Variants in NHEJ1 observed in about 807,000 individuals in gnomAD.
NHEJ1 encodes non-homologous end-joining factor 1.
In NHEJ1, 22 loss-of-function variants were observed where a neutral mutation model predicts 39.4. The observed-to-expected ratio is 0.56, with a 90% CI of 0.40 to 0.80. The LOEUF (loss-of-function observed/expected upper bound fraction) is 0.80. NHEJ1 is among the 30% of genes least tolerant of loss of function. NHEJ1 has a pLI of 0.00. For missense variants in NHEJ1, 329 were observed against 357.1 expected (o/e 0.92, Z 0.63); for synonymous variants, 154 against 135.6 (o/e 1.14, Z -0.94).
chr2:219,077,512 T>C, intron 6 of NHEJ1, 148 bp from the exon 7 acceptor site: 2 of 712,500 alleles, frequency 2.8e-6, no homozygotes, highest in Non-Finnish European at 5.0e-6. Context: ...AACTTCCAGC[T>C]GACTTTCAGA....
chr2:219,156,704 A>G (rs1020534746), intron 3 of NHEJ1, among the ~76,000 whole-genome samples: 8 of 152,238 alleles, frequency 5.3e-5, no homozygotes, highest in Non-Finnish European at 1.0e-4. Flanking sequence ...AAACAAGGAT[A>G]ACAGTACTTA....
At chr2:219,131,812 T>A (rs1949581539) in intron 5 of NHEJ1, among the ~76,000 whole-genome samples, 1 of 152,242 alleles carries the variant, frequency 6.6e-6, no homozygotes, top group Non-Finnish European at 1.5e-5. Flanking sequence ...GGCAGAGCGC[T>A]CTAGCTTTGA....
At chr2:219,119,664 G>C (rs1222440573) in intron 5 of NHEJ1, among the ~76,000 whole-genome samples, 1 of 152,126 alleles carries the variant, frequency 6.6e-6, no homozygotes, top group Non-Finnish European at 1.5e-5. Context: ...GAGTAGAACA[G>C]ATCTTTGAAT....
At chr2:219,140,936 C>T (rs1050511067) in intron 5 of NHEJ1, among the ~76,000 whole-genome samples, 1 of 152,074 alleles carries the variant, frequency 6.6e-6, no homozygotes, top group African/African-American at 2.4e-5. Context: ...TGTAGGAAAC[C>T]GGGAGCCACT....
At chr2:219,090,346 G>A (rs958444369) in intron 5 of NHEJ1, among the ~76,000 whole-genome samples, 1 of 152,170 alleles carries the variant, frequency 6.6e-6, no homozygotes, top group Non-Finnish European at 1.5e-5. Flanking sequence ...TGATATTACT[G>A]CCTGCACTAT....
chr2:219,152,825 T>TTTATTTATTTATTTATTTA (rs1949810633), intron 3 of NHEJ1, among the ~76,000 whole-genome samples: 1 of 108,616 alleles, frequency 9.2e-6, no homozygotes, highest in Admixed American at 1.1e-4. Flanking sequence ...TTATTTATTT[T>TTTATTTATTTATTTATTTA]GAGAGAGTCT....
Position 219,080,691 on chromosome 2 carries a change from T to TTA in NHEJ1, c.589-2487_589-2486dup, listed in dbSNP as rs10584277. Among the ~76,000 whole-genome samples the TTA allele has an allele frequency of 6.9e-3, 450 of 65,472 alleles. 5 individuals are homozygous for TTA. Among genetic ancestry groups the TTA allele is most frequent in the African/African-American group, 0.014 (408 of 29,822 alleles). The allele number at this position is 65,472 out of a possible 152,430, so 43.0% of individuals were successfully genotyped here. Reference sequence around the variant, plus strand: ...CTTTTATATATGCTAATATATATGCTTATATATATATATGCTAATATATAT... The same window carrying TTA: ...CTTTTATATATGCTAATATATATGCTTATATATATATATATGCTAATATATAT... On this transcript the variant is annotated intron_variant, in intron 5 of 7. Coordinates refer to ENST00000356853, the MANE Select transcript of NHEJ1 (RefSeq NM_024782.3).
intron 7 of NHEJ1, among the ~76,000 whole-genome samples, chr2:219,077,015 A>T (rs1949020049): frequency 6.6e-6 from 1 of 152,236 alleles, no homozygotes; most frequent in Non-Finnish European, 1.5e-5. Flanking sequence ...ATAAGGTGAA[A>T]GAGGAGTCAA....
chr2:219,152,483 A>G (rs1347322523), intron 3 of NHEJ1, among the ~76,000 whole-genome samples: 3 of 152,146 alleles, frequency 2.0e-5, no homozygotes, highest in African/African-American at 4.8e-5. Context: ...AAGATGAATC[A>G]TATCAGGAGA....
rs916541029 is a variant in NHEJ1, at chr2:219,137,163, A to T, written c.588+9517T>A. On this transcript the variant is annotated intron_variant, in intron 5 of 7. Coordinates refer to ENST00000356853, the MANE Select transcript of NHEJ1 (RefSeq NM_024782.3). ...AGAGAAGGTGAAATTCAGAAAAAAC[A>T]AAATATAGTTGAGAAACATGCACAG... is the stretch of plus-strand genomic sequence containing the variant. 5.3e-5 allele frequency among the ~76,000 whole-genome samples: 8 copies of T among 152,042 alleles called. No homozygotes were observed. In the East Asian group the frequency reaches 1.5e-3, roughly 29 times the overall value.
Position 219,070,682 on chromosome 2 carries a change from CTT to C in NHEJ1, c.*5697_*5698del, listed in dbSNP as rs911530719. On this transcript the variant is annotated 3_prime_UTR_variant, in exon 8 of 8. Transcript: ENST00000356853. ...AATCCAGACACTCAATCTTTTCTTT[CTT>C]TTTTTTTTTTAATTCAAAATACCAT... 6.8e-6 allele frequency among the ~76,000 whole-genome samples: 1 copy of C among 146,042 alleles called. No homozygotes were observed. The highest frequency in any genetic ancestry group is 2.5e-5 in the African/African-American group (1 of 39,928).
At chr2:219,109,373 A>C (rs1949342257) in intron 5 of NHEJ1, among the ~76,000 whole-genome samples, 1 of 152,238 alleles carries the variant, frequency 6.6e-6, no homozygotes, top group Non-Finnish European at 1.5e-5. Flanking sequence ...AAAAGTTTCC[A>C]AATTAAAAAA....
Position 219,076,090 on chromosome 2 carries a change from C to T in NHEJ1, c.*291G>A. 1.8e-6 allele frequency: 1 copy of T among 568,204 alleles called. No individual in the cohort carries two copies. Among genetic ancestry groups the T allele is most frequent in the Non-Finnish European group, 3.1e-6 (1 of 326,846 alleles). The allele number at this position is 568,204 out of a possible 1,614,324, so 35.2% of individuals were successfully genotyped here. Reference sequence around the variant, plus strand: ...GACAAGGCTTCCTGAGTGTGTGGTGCTTTCTTGCTGACTTGCCCTATATAC... The same window carrying T: ...GACAAGGCTTCCTGAGTGTGTGGTGTTTTCTTGCTGACTTGCCCTATATAC... On this transcript the variant is annotated 3_prime_UTR_variant, in exon 8 of 8. Transcript: ENST00000356853.
At chr2:219,103,449 T>G (rs2106334808) in intron 5 of NHEJ1, among the ~76,000 whole-genome samples, 1 of 152,002 alleles carries the variant, frequency 6.6e-6, no homozygotes, top group East Asian at 2.0e-4. Context: ...CTAATTTTTG[T>G]ATTTTTAGTA....
intron 5 of NHEJ1, among the ~76,000 whole-genome samples, chr2:219,118,654 A>C (rs984310831): frequency 6.6e-6 from 1 of 152,140 alleles, no homozygotes; most frequent in African/African-American, 2.4e-5. Flanking sequence ...CTGTGCAGAG[A>C]AGGACAGGGA....
At chr2:219,100,652 T>C (rs2106332918) in intron 5 of NHEJ1, among the ~76,000 whole-genome samples, 1 of 142,526 alleles carries the variant, frequency 7.0e-6, no homozygotes, top group East Asian at 2.0e-4. Context: ...TGACTAAGAA[T>C]ACAGAGAATC....
At chr2:219,087,004 C>G (rs1949117719) in intron 5 of NHEJ1, among the ~76,000 whole-genome samples, 1 of 151,950 alleles carries the variant, frequency 6.6e-6, no homozygotes, top group South Asian at 2.1e-4. Flanking sequence ...TCGGGGAACG[C>G]AAGTGGTTTC....
At chr2:219,123,029 G>A (rs1350933952) in intron 5 of NHEJ1, among the ~76,000 whole-genome samples, 1 of 152,188 alleles carries the variant, frequency 6.6e-6, no homozygotes, top group African/African-American at 2.4e-5. Context: ...GGGGGGCTCT[G>A]TTAGTAGCTA....
intron 7 of NHEJ1, 132 bp downstream of exon 7, chr2:219,077,114 G>T: frequency 1.4e-6 from 1 of 734,068 alleles, no homozygotes; most frequent in Non-Finnish European, 2.5e-6. Context: ...CCTACAATTT[G>T]GAGCCTGGTC....
Sources: gnomAD v4.1 joint callset for allele counts (sites outside exome capture counted in the v4.1 genomes callset) on GRCh38, gnomAD v4.1.1 for gene constraint, MANE v1.5 for transcripts, NCBI Gene and HGNC (gene_info 2026-07-23, HGNC 2026-07-21) for gene names.